PPIP5K2: variants seen among roughly 807,000 people sequenced by gnomAD.
PPIP5K2 encodes inositol hexakisphosphate and diphosphoinositol-pentakisphosphate kinase 2.
PPIP5K2 carries 105 observed loss-of-function variants against 154.6 expected under a neutral mutation model. That is an observed-to-expected ratio of 0.68 (90% CI 0.58 to 0.80). PPIP5K2 has a LOEUF of 0.80. PPIP5K2 is among the 30% of genes least tolerant of loss of function. The pLI, the probability that PPIP5K2 is intolerant of heterozygous loss-of-function variation, is 0.00. For synonymous variants in PPIP5K2, 480 were observed against 490.3 expected, an observed-to-expected ratio of 0.98 and a Z score of 0.28; for missense variants, 992 against 1,504.6, an observed-to-expected ratio of 0.66 and a Z score of 5.64.
rs540026567 is a variant in PPIP5K2 at position 103,159,126 on chromosome 5, T to C, written c.1738-20T>C. The stretch of plus-strand genomic sequence containing the variant: ...GTATTAATTTTTTAAATTCGTGTTT[T>C]CTTTATTTAATATGCTTAGGGGCTT... On this transcript the variant is annotated intron_variant, in intron 16 of 30. Transcript: ENST00000358359. The C allele has an allele frequency of 3.4e-6, 5 of 1,466,520 alleles. No homozygotes were observed. In the South Asian group the frequency reaches 6.8e-5, roughly 20 times the overall value. 90.8% of individuals were successfully genotyped at this position (1,466,520 alleles called of 1,614,324 possible). A position where few individuals can be genotyped will look rare whatever the true frequency, so the allele number is the denominator to read the frequency against.
chr5:103,190,567 T>G (rs1801075120), intron 28 of PPIP5K2, among the ~76,000 whole-genome samples: 1 of 151,982 alleles, frequency 6.6e-6, no homozygotes, highest in Non-Finnish European at 1.5e-5. Context: ...CCCTAGGTTT[T>G]TTAAAGTATT....
At chr5:103,158,626 C>T in intron 16 of PPIP5K2, 53 bp downstream of exon 16, 3 of 1,455,926 alleles carry the variant, frequency 2.1e-6, no homozygotes, top group Non-Finnish European at 1.8e-6. Context: ...AATATTGTAT[C>T]TTAAAACATT....
At position 103,142,366 on chromosome 5, in the gene PPIP5K2, C is replaced by T. The variant is rs1022366043; in HGVS notation, c.487+3897C>T. 2.0e-5 allele frequency among the ~76,000 whole-genome samples: 3 copies of T among 152,204 alleles called. No individual in the cohort carries two copies. The East Asian group carries it at 5.8e-4, about 29-fold the overall frequency. On this transcript the variant is annotated intron_variant, in intron 5 of 30. Coordinates refer to ENST00000358359, the MANE Select transcript of PPIP5K2 (RefSeq NM_001276277.3). ...CCCAAGCCCACGCCCACCCAGAACTCCAGCTGGCCCGCAAGCACCGCCCCG... is the reference window on the plus strand; with the variant it reads ...CCCAAGCCCACGCCCACCCAGAACTTCAGCTGGCCCGCAAGCACCGCCCCG...
At chr5:103,197,125 C>T (rs1388701986) in intron 30 of PPIP5K2, among the ~76,000 whole-genome samples, 1 of 152,136 alleles carries the variant, frequency 6.6e-6, no homozygotes, top group African/African-American at 2.4e-5. Context: ...GGATACTGGT[C>T]TGTAGTTTTT....
chr5:103,184,164 A>C (rs1554224067), intron 25 of PPIP5K2: 3 of 152,264 alleles, frequency 2.0e-5, no homozygotes, highest in African/African-American at 7.2e-5. Context: ...TAATTTCAGC[A>C]ATTTCCTTTT....
chr5:103,195,489 G>A (rs577820680), intron 30 of PPIP5K2, among the ~76,000 whole-genome samples: 1 of 152,082 alleles, frequency 6.6e-6, no homozygotes, highest in East Asian at 1.9e-4. Flanking sequence ...TCTCTTTCCT[G>A]ATAATATTTT....
At position 103,183,472 on chromosome 5, in the gene PPIP5K2, T is replaced by A. The variant is rs912825802; in HGVS notation, c.3096+65T>A. On this transcript the variant is annotated intron_variant, in intron 25 of 30. Coordinates refer to ENST00000358359, the MANE Select transcript of PPIP5K2 (RefSeq NM_001276277.3). ...CATTCAGAGCAACAAACAGCTGTCT[T>A]TGAGGACATCTAATCCCTTGTATTT... 21 of 1,379,070 alleles carry A rather than the reference T, an allele frequency of 1.5e-5. No individual in the cohort carries two copies. In the African/African-American group the frequency reaches 3.1e-4, roughly 20 times the overall value. The allele number at this position is 1,379,070 out of a possible 1,614,324, so 85.4% of individuals were successfully genotyped here. A position where few individuals can be genotyped will look rare whatever the true frequency, so the allele number is the denominator to read the frequency against.
At chr5:103,176,994 C>T (rs1329111557) in intron 21 of PPIP5K2, 5 of 1,000,890 alleles carry the variant, frequency 5.0e-6, no homozygotes, top group South Asian at 1.7e-5. Flanking sequence ...TGTTGATAGG[C>T]CTATATTGCA....
intron 21 of PPIP5K2, among the ~76,000 whole-genome samples, chr5:103,174,974 GTAATAGAGTAATACTACT>G (rs1798485452): frequency 6.6e-6 from 1 of 152,072 alleles, no homozygotes; most frequent in African/African-American, 2.4e-5. Context: ...GTGCCATGCT[GTAATAGAGTAATACTACT>G]TGAAGTCCAG....
rs1794220670 is a variant in PPIP5K2 at position 103,149,245 on chromosome 5, G to A, written c.838G>A (p.Val280Ile). 1 of 1,613,868 alleles carries A rather than the reference G, an allele frequency of 6.2e-7. No individual in the cohort carries two copies. Residue 280 changes from valine (V) to isoleucine (I), a missense_variant, in exon 8 of 31, where the codon GTA becomes ATA. Val to Ile is a conservative substitution (Grantham distance 29, BLOSUM62 3). Transcript: ENST00000358359. Reference sequence around the variant, plus strand: ...GGAACGAGACAGTGAAGGAAAAGAAGTAAGATACCCTGTTATTCTCAATGC... The same window carrying A: ...GGAACGAGACAGTGAAGGAAAAGAAATAAGATACCCTGTTATTCTCAATGC... ...KVERDSEGKE[V>I]RYPVILNARE...
Position 103,201,676 on chromosome 5 carries a change from G to C in PPIP5K2, c.*42G>C, listed in dbSNP as rs1357366152. Reference sequence around the variant, plus strand: ...GGAACTTTTTATACTTATAAAAATAGTATGTTCTTATGTTTCTCCTTATGC... The same window carrying C: ...GGAACTTTTTATACTTATAAAAATACTATGTTCTTATGTTTCTCCTTATGC... On this transcript the variant is annotated 3_prime_UTR_variant, in exon 31 of 31. Coordinates refer to ENST00000358359, the MANE Select transcript of PPIP5K2 (RefSeq NM_001276277.3). The C allele has an allele frequency of 7.4e-6, 10 of 1,344,586 alleles. No individual in the cohort carries two copies. Among genetic ancestry groups the C allele is most frequent in the Non-Finnish European group, 1.0e-5 (10 of 964,204 alleles). 83.3% of individuals were successfully genotyped at this position (1,344,586 alleles called of 1,614,324 possible).
Position 103,205,147 on chromosome 5 carries a change from G to A in PPIP5K2, c.*3513G>A, listed in dbSNP as rs564929108. ...CTTGTGATAGTTTGCTGAGAATGATGGTTTCCAGCTTCATCCATGTCCTTG... is the reference window on the plus strand; with the variant it reads ...CTTGTGATAGTTTGCTGAGAATGATAGTTTCCAGCTTCATCCATGTCCTTG... On this transcript the variant is annotated 3_prime_UTR_variant, in exon 31 of 31. Coordinates refer to ENST00000358359, the MANE Select transcript of PPIP5K2 (RefSeq NM_001276277.3). The A allele has an allele frequency of 6.6e-6, 1 of 152,434 alleles. No individual in the cohort carries two copies. The highest frequency in any genetic ancestry group is 2.4e-5 in the African/African-American group (1 of 41,442). The allele number at this position is 152,434 out of a possible 1,614,324, so 9.4% of individuals were successfully genotyped here.
intron 20 of PPIP5K2, 121 bp downstream of exon 20, chr5:103,173,403 G>A (rs1554220037): frequency 1.7e-6 from 2 of 1,163,122 alleles, no homozygotes; most frequent in South Asian, 1.7e-5. Flanking sequence ...TGTGAAAATA[G>A]TATTACCTAG....
intron 25 of PPIP5K2, 112 bp downstream of exon 25, chr5:103,183,519 GT>G: frequency 3.2e-6 from 3 of 940,324 alleles, no homozygotes; most frequent in Non-Finnish European, 4.7e-6. Flanking sequence ...AAATCCTTCT[GT>G]TTTTTAATTT....
chr5:103,151,577 G>GA (rs2149569649), intron 9 of PPIP5K2, among the ~76,000 whole-genome samples: 1 of 152,130 alleles, frequency 6.6e-6, no homozygotes, highest in East Asian at 1.9e-4. Flanking sequence ...CAGTATAGAT[G>GA]AAAACCTTTA....
chr5:103,123,093 A>G (rs1232846465), intron 1 of PPIP5K2, among the ~76,000 whole-genome samples: 7 of 152,232 alleles, frequency 4.6e-5, no homozygotes, highest in African/African-American at 1.4e-4. Flanking sequence ...TGAGTTATTT[A>G]TATTTGTTCC....
intron 5 of PPIP5K2, among the ~76,000 whole-genome samples, chr5:103,141,038 TAAG>T (rs1333619282): frequency 6.6e-6 from 1 of 150,996 alleles, no homozygotes; most frequent in Non-Finnish European, 1.5e-5. Context: ...ACGTTAAAAA[TAAG>T]AAATCATCTG....
chr5:103,125,539 C>T (rs947587063), intron 1 of PPIP5K2, among the ~76,000 whole-genome samples: 1 of 151,758 alleles, frequency 6.6e-6, no homozygotes, highest in South Asian at 2.1e-4. Context: ...AGGCTTCCTT[C>T]ACTTTATGTC....
intron 23 of PPIP5K2, among the ~76,000 whole-genome samples, chr5:103,178,245 A>AT (rs1486480735): frequency 6.6e-6 from 1 of 151,940 alleles, no homozygotes; most frequent in Non-Finnish European, 1.5e-5. Context: ...ATTCACCAAA[A>AT]TTGACTTTTT....
Sources: gnomAD v4.1 joint callset for allele counts (sites outside exome capture counted in the v4.1 genomes callset) on GRCh38, gnomAD v4.1.1 for gene constraint, MANE v1.5 for transcripts, NCBI Gene and HGNC (gene_info 2026-07-23, HGNC 2026-07-21) for gene names.